LARS2: variants seen among roughly 807,000 people sequenced by gnomAD.
LARS2 encodes leucyl-tRNA synthetase 2, mitochondrial.
In LARS2, 81 loss-of-function variants were observed where a neutral mutation model predicts 116.6. The ratio of observed to expected loss-of-function variants is 0.69; its 90% CI spans 0.58 to 0.84. The LOEUF is 0.84. LARS2 is among the 40% of genes least tolerant of loss of function. The pLI, the probability that LARS2 is intolerant of heterozygous loss-of-function variation, is 0.00. For missense variants in LARS2, 968 were observed against 1,114.5 expected (o/e 0.87, Z 1.87); for synonymous variants, 396 against 407.2 (o/e 0.97, Z 0.33).
At chr3:45,479,638 A>G (rs1699665032) in intron 10 of LARS2, among the ~76,000 whole-genome samples, 1 of 152,194 alleles carries the variant, frequency 6.6e-6, no homozygotes, top group Non-Finnish European at 1.5e-5. Flanking sequence ...CTTGAAATTT[A>G]GTTTATTTCC....
chr3:45,474,113 A>C (rs955131188), intron 8 of LARS2, 130 bp from the exon 9 acceptor site: 5 of 540,818 alleles, frequency 9.2e-6, no homozygotes, highest in Non-Finnish European at 1.3e-5. Flanking sequence ...CTTAGTGAAC[A>C]AGGAGAGAGC....
chr3:45,541,967 C>T lies in LARS2; in HGVS notation c.2532+11C>T, dbSNP rs1323698967. On this transcript the variant is annotated intron_variant, in intron 21 of 21. Transcript: ENST00000645846. ...CAGATGGCAGTTCTGGTAAGTATCTCCCCTCAACCCCAGAACCCAGCAGTC... is the reference window on the plus strand; with the variant it reads ...CAGATGGCAGTTCTGGTAAGTATCTTCCCTCAACCCCAGAACCCAGCAGTC... 3.7e-6 allele frequency: 6 copies of T among 1,613,782 alleles called. No individual in the cohort carries two copies. The highest frequency in any genetic ancestry group is 2.7e-5 in the African/African-American group (2 of 74,922).
rs546136861 is a variant in LARS2, at chr3:45,491,414, C to T, written c.1240-103C>T. 241 of 1,293,462 alleles carry T rather than the reference C, an allele frequency of 1.9e-4. 1 individual carries two copies. The South Asian group carries it at 3.1e-3, about 17-fold the overall frequency. 80.1% of individuals were successfully genotyped at this position (1,293,462 alleles called of 1,614,324 possible). On this transcript the variant is annotated intron_variant, in intron 12 of 21. Coordinates refer to ENST00000645846, the MANE Select transcript of LARS2 (RefSeq NM_015340.4). ...GACACAGCTCTGCACAGAACTGGTC[C>T]CTTGGGAGAGCCACACATAAACATG...
chr3:45,427,682 T>C (rs1181943560), intron 6 of LARS2, among the ~76,000 whole-genome samples: 2 of 152,164 alleles, frequency 1.3e-5, no homozygotes, highest in Non-Finnish European at 2.9e-5. Flanking sequence ...AGCTACTACC[T>C]AGATTGAGAA....
chr3:45,520,370 C>T (rs1213466579), intron 19 of LARS2, 74 bp downstream of exon 19: 1 of 1,055,374 alleles, frequency 9.5e-7, no homozygotes, highest in Non-Finnish European at 1.5e-6. Context: ...CACAGGGTCC[C>T]AAGAGGGACA....
At chr3:45,472,001 A>T (rs1352291194) in intron 8 of LARS2, among the ~76,000 whole-genome samples, 3 of 152,226 alleles carry the variant, frequency 2.0e-5, no homozygotes, top group Non-Finnish European at 4.4e-5. Flanking sequence ...TAATCCATTG[A>T]TGTTAGTTAG....
In LARS2 at chr3:45,514,214, AAAAG is replaced by A. The variant is rs1359944110; in HGVS notation, c.1861+991_1861+994del. On this transcript the variant is annotated intron_variant, in intron 16 of 21. Coordinates refer to ENST00000645846, the MANE Select transcript of LARS2 (RefSeq NM_015340.4). ...GAGCAAGACTCTGTCTCAAAAAAAA[AAAAG>A]AAAGAAAGAAAACAGTTGGAGACAT... 3.4e-4 allele frequency among the ~76,000 whole-genome samples: 52 copies of A among 152,238 alleles called. 1 individual carries two copies. Among genetic ancestry groups the A allele is most frequent in the Middle Eastern group, 3.4e-3 (1 of 294 alleles).
chr3:45,409,000 T>C lies in LARS2; in HGVS notation c.364-8482T>C, dbSNP rs7636094. On this transcript the variant is annotated intron_variant, in intron 4 of 21. Transcript: ENST00000645846. ...AGTAGTCTTCTGCCACCCTCTGTGA[T>C]GTCACATTCCTATCTTTCCAAATTG... 4.0e-3 allele frequency among the ~76,000 whole-genome samples: 616 copies of C among 152,340 alleles called. 6 individuals carry two copies. The highest frequency in any genetic ancestry group is 0.014 in the African/African-American group (568 of 41,572).
At chr3:45,542,119 C>T (rs1700808524) in intron 21 of LARS2, among the ~76,000 whole-genome samples, 163 bp downstream of exon 21, 1 of 152,238 alleles carries the variant, frequency 6.6e-6, no homozygotes, top group Admixed American at 6.5e-5. Context: ...CCTGTCTTTC[C>T]TTTGCCAGTA....
intron 1 of LARS2, among the ~76,000 whole-genome samples, chr3:45,391,267 C>T (rs1299805726): frequency 2.0e-5 from 3 of 151,884 alleles, no homozygotes; most frequent in Admixed American, 1.3e-4. Flanking sequence ...AGAGTGATCA[C>T]GAGGTCAGGA....
chr3:45,439,873 C>A (rs1349095169), intron 6 of LARS2, among the ~76,000 whole-genome samples: 2 of 152,058 alleles, frequency 1.3e-5, no homozygotes, highest in Non-Finnish European at 2.9e-5. Flanking sequence ...AGGACAGGAC[C>A]CTGTCTTTCA....
chr3:45,394,782 A>G lies in LARS2; in HGVS notation c.234+95A>G, dbSNP rs945816767. Reference sequence around the variant, plus strand: ...ACCTGGTTCAAATAAGATATTAAATATGTGACCTTGAACCAAATTGTTGAA... The same window carrying G: ...ACCTGGTTCAAATAAGATATTAAATGTGTGACCTTGAACCAAATTGTTGAA... On this transcript the variant is annotated intron_variant, in intron 3 of 21. Transcript: ENST00000645846. The G allele has an allele frequency of 3.1e-5, 25 of 799,260 alleles. No individual in the cohort carries two copies. The African/African-American group carries it at 3.8e-4, about 12-fold the overall frequency. The allele number at this position is 799,260 out of a possible 1,614,324, so 49.5% of individuals were successfully genotyped here.
chr3:45,437,500 A>T (rs561658151), intron 6 of LARS2, among the ~76,000 whole-genome samples: 2 of 152,310 alleles, frequency 1.3e-5, no homozygotes, highest in African/African-American at 2.4e-5. Flanking sequence ...AAGAAAAAGG[A>T]ATTAGGAGAA....
chr3:45,525,793 T>C (rs1447907332), intron 20 of LARS2, among the ~76,000 whole-genome samples: 1 of 152,146 alleles, frequency 6.6e-6, no homozygotes, highest in Non-Finnish European at 1.5e-5. Flanking sequence ...CTGGGTTGAG[T>C]GTACCCAAGA....
At chr3:45,452,571 T>C (rs925171147) in intron 7 of LARS2, among the ~76,000 whole-genome samples, 2 of 152,140 alleles carry the variant, frequency 1.3e-5, no homozygotes, top group African/African-American at 4.8e-5. Flanking sequence ...TTTTAATGTG[T>C]TGTTGAATTC....
chr3:45,451,057 T>G (rs905049847), intron 7 of LARS2, among the ~76,000 whole-genome samples: 2 of 152,136 alleles, frequency 1.3e-5, no homozygotes, highest in African/African-American at 4.8e-5. Context: ...TTGTTTGTTT[T>G]TTGCTATTGA....
At chr3:45,427,794 TG>T (rs781271436) in intron 6 of LARS2, among the ~76,000 whole-genome samples, 58 of 152,008 alleles carry the variant, frequency 3.8e-4, no homozygotes, top group Non-Finnish European at 6.0e-4. Context: ...CTGACATTGA[TG>T]ATCATTACTG....
chr3:45,399,246 C>G (rs1469480502), intron 3 of LARS2, among the ~76,000 whole-genome samples: 1 of 152,088 alleles, frequency 6.6e-6, no homozygotes, highest in Non-Finnish European at 1.5e-5. Flanking sequence ...AACTCAGGAC[C>G]CAAATTGGTA....
chr3:45,460,013 C>T (rs960876971), intron 8 of LARS2, among the ~76,000 whole-genome samples: 1 of 152,176 alleles, frequency 6.6e-6, no homozygotes, highest in African/African-American at 2.4e-5. Flanking sequence ...AAAGAAAGCA[C>T]AAGGTTCTCA....
Sources: gnomAD v4.1 joint callset for allele counts (sites outside exome capture counted in the v4.1 genomes callset) on GRCh38, gnomAD v4.1.1 for gene constraint, MANE v1.5 for transcripts, NCBI Gene and HGNC (gene_info 2026-07-23, HGNC 2026-07-21) for gene names.